Variants in TTC7A observed in about 807,000 individuals in gnomAD.
TTC7A encodes tetratricopeptide repeat domain 7A, also known as tetratricopeptide repeat protein 7A.
In TTC7A, 110 loss-of-function variants were observed where a neutral mutation model predicts 103.7. The ratio of observed to expected loss-of-function variants is 1.06; its 90% CI spans 0.91 to 1.24. The LOEUF is 1.24. TTC7A is among the 50% of genes most tolerant of loss of function. The pLI is 0.00. For missense variants in TTC7A, 1,340 were observed against 1,116.3 expected (o/e 1.20, Z -2.86); for synonymous variants, 521 against 467.9 (o/e 1.11, Z -1.47).
Position 47,007,853 on chromosome 2 carries a change from G to C in TTC7A, c.1287+1129G>C, listed in dbSNP as rs1677588845. The stretch of plus-strand genomic sequence containing the variant: ...CTTGAAGTCACAGCATGATCTCCTT[G>C]GCTCTGTGCTCAGCAGGGTCTTGTC... On this transcript the variant is annotated intron_variant, in intron 10 of 19. Coordinates refer to ENST00000319190, the MANE Select transcript of TTC7A (RefSeq NM_020458.4). This position sits in a 1 kb window ranked among gnomAD's most constrained non-coding sequence, Gnocchi z 4.9. Among the ~76,000 whole-genome samples, 1 of 152,216 alleles carries C rather than the reference G, an allele frequency of 6.6e-6. No individual in the cohort carries two copies. Among genetic ancestry groups the C allele is most frequent in the Non-Finnish European group, 1.5e-5 (1 of 68,042 alleles).
At chr2:46,939,866 A>C (rs575563170), upstream of TTC7A, among the ~76,000 whole-genome samples, 1 of 152,324 alleles carries the variant, frequency 6.6e-6, no homozygotes, top group Non-Finnish European at 1.5e-5. Context: ...AGACTGCTTG[A>C]CTAAACTGTC....
At chr2:47,067,817 T>G (rs1252578489) in intron 19 of TTC7A, 2 of 152,142 alleles carry the variant, frequency 1.3e-5, no homozygotes, top group African/African-American at 2.4e-5. Flanking sequence ...TGTTTTTCAC[T>G]TTGAAGCATA....
At chr2:47,008,838 G>T (rs926556332) in intron 10 of TTC7A, among the ~76,000 whole-genome samples, 5 of 151,800 alleles carry the variant, frequency 3.3e-5, no homozygotes, top group Admixed American at 6.6e-5. Context: ...CATGATTTAG[G>T]TCGTTCCTTC....
At position 46,969,387 on chromosome 2, in the gene TTC7A, G is replaced by A. The variant is rs894263253; in HGVS notation, c.518-5586G>A. ...CCGAGCTTAGTGGCGGGTGTCTGTA[G>A]TCCCAGCTACTCGGGAGGCTGAGGC... On this transcript the variant is annotated intron_variant, in intron 3 of 19. Transcript: ENST00000319190. Among the ~76,000 whole-genome samples the A allele has an allele frequency of 1.7e-4, 26 of 151,992 alleles. No homozygotes were observed. The South Asian group carries it at 5.0e-3, about 29-fold the overall frequency.
chr2:46,987,054 G>A (rs1366165345), intron 5 of TTC7A, among the ~76,000 whole-genome samples: 4 of 152,176 alleles, frequency 2.6e-5, no homozygotes, highest in African/African-American at 9.7e-5. Context: ...TGTGGCTGAT[G>A]ACAGGGTTCC....
chr2:47,010,694 A>G (rs574156013), intron 10 of TTC7A, among the ~76,000 whole-genome samples: 30 of 151,532 alleles, frequency 2.0e-4, no homozygotes, highest in African/African-American at 6.5e-4. Flanking sequence ...GTCCTTATTT[A>G]TTTGTTTGTT....
intron 8 of TTC7A, chr2:46,999,700 GAT>G: frequency 1.0e-6 from 1 of 985,414 alleles, no homozygotes; most frequent in Non-Finnish European, 1.2e-6. Context: ...AAACCAGCCT[GAT>G]TTTCTGAGAC....
intron 19 of TTC7A, among the ~76,000 whole-genome samples, chr2:47,069,808 T>G (rs1684510324): frequency 6.6e-6 from 1 of 152,158 alleles, no homozygotes; most frequent in African/African-American, 2.4e-5. Flanking sequence ...GAGGGCCCTT[T>G]CTGTAGAGCA....
At chr2:47,006,797 T>C in intron 10 of TTC7A, 73 bp downstream of exon 10, 2 of 1,259,176 alleles carry the variant, frequency 1.6e-6, no homozygotes, top group Non-Finnish European at 2.3e-6. Flanking sequence ...AGAGGGGCTT[T>C]TCTGGCCAGG....
At position 47,073,706 on chromosome 2, in the gene TTC7A, T is replaced by A; in HGVS notation, c.2360T>A (p.Leu787Gln). 2 of 1,613,870 alleles carry A rather than the reference T, an allele frequency of 1.2e-6. No homozygotes were observed. Among genetic ancestry groups the A allele is most frequent in the Non-Finnish European group, 1.7e-6 (2 of 1,179,996 alleles). The change falls in exon 20 of 20, where the codon CTG becomes CAG. Residue 787 changes from leucine (L) to glutamine (Q), a missense_variant. By Grantham distance (113) the Leu-to-Gln change is moderately radical. Transcript: ENST00000319190. ...TGCCCTGTGCTTCGTCCACAGGGTC[T>A]GATGCTGAGTCGGCTGGGCCACAAG... ...DGVRIMHSLG[L>Q]MLSRLGHKSL...
intron 5 of TTC7A, 95 bp from the exon 6 acceptor site, chr2:46,993,355 C>A: frequency 1.7e-6 from 2 of 1,156,318 alleles, no homozygotes; most frequent in African/African-American, 1.5e-5. Flanking sequence ...AAAACTCCAG[C>A]AGTCAGCTCC....
At chr2:47,013,936 A>G (rs7558419) in intron 11 of TTC7A, among the ~76,000 whole-genome samples, 100,810 of 152,008 alleles carry the variant, frequency 0.66, 33,634 homozygotes, top group East Asian at 0.77. Flanking sequence ...GTGGCCCGAG[A>G]GTGGGCTCCT....
At chr2:46,971,946 G>T (rs987010458) in intron 3 of TTC7A, among the ~76,000 whole-genome samples, 2 of 151,054 alleles carry the variant, frequency 1.3e-5, no homozygotes, top group African/African-American at 2.4e-5. Context: ...AAGAAAGACA[G>T]GAAGGGACGG....
At chr2:46,968,060 G>A (rs1465741375) in intron 3 of TTC7A, among the ~76,000 whole-genome samples, 1 of 152,152 alleles carries the variant, frequency 6.6e-6, no homozygotes. Flanking sequence ...CTGCATCCAG[G>A]GCCCAAGGCT....
At chr2:46,963,420 A>G (rs1463828847) in intron 3 of TTC7A, among the ~76,000 whole-genome samples, 2 of 152,220 alleles carry the variant, frequency 1.3e-5, no homozygotes, top group African/African-American at 4.8e-5. Flanking sequence ...TCTCACCTCA[A>G]GACAAAATAG....
intron 2 of TTC7A, among the ~76,000 whole-genome samples, chr2:46,919,073 A>C (rs1340905187): frequency 2.0e-5 from 3 of 152,204 alleles, no homozygotes; most frequent in Non-Finnish European, 4.4e-5. Context: ...AGCTGTTTTG[A>C]ATTGTCTCAA....
In TTC7A at chr2:47,046,222, G is replaced by A. The variant is rs375051945; in HGVS notation, c.1803-93G>A. 1.3e-4 allele frequency: 124 copies of A among 920,210 alleles called. 7 individuals carry two copies. In the South Asian group the frequency reaches 1.6e-3, roughly 12 times the overall value. 57.0% of individuals were successfully genotyped at this position (920,210 alleles called of 1,614,324 possible). ...ACTCTGCTTTCTGCGAGTTAGGGAGGTGAGCATGTGGAGCCGCCCTGGTGG... is the reference window on the plus strand; with the variant it reads ...ACTCTGCTTTCTGCGAGTTAGGGAGATGAGCATGTGGAGCCGCCCTGGTGG... On this transcript the variant is annotated intron_variant, in intron 15 of 19. Transcript: ENST00000319190.
At chr2:47,041,666 T>C (rs1179455113) in intron 15 of TTC7A, among the ~76,000 whole-genome samples, 2 of 151,816 alleles carry the variant, frequency 1.3e-5, no homozygotes, top group African/African-American at 2.4e-5. Flanking sequence ...GGCAGGAGAA[T>C]TGCTTGAACC....
chr2:47,038,519 T>C (rs1278723213), intron 15 of TTC7A, among the ~76,000 whole-genome samples: 1 of 152,204 alleles, frequency 6.6e-6, no homozygotes, highest in African/African-American at 2.4e-5. Flanking sequence ...TCTATAAAAA[T>C]AGAACTCTTC....
Sources: allele counts gnomAD v4.1 joint callset (sites outside exome capture counted in the v4.1 genomes callset), GRCh38; gene constraint gnomAD v4.1.1; non-coding constraint Gnocchi (gnomAD v3.1); transcripts MANE v1.5; gene names NCBI Gene and HGNC (gene_info 2026-07-23, HGNC 2026-07-21).